The following VWC2L variants were observed in gnomAD, a reference collection of about 807,000 sequenced individuals.
VWC2L encodes von Willebrand factor C domain-containing protein 2-like.
VWC2L carries 10 observed loss-of-function variants against 21.6 expected under a neutral mutation model. The observed-to-expected ratio is 0.46, with a 90% CI of 0.29 to 0.78. VWC2L has a LOEUF of 0.78. VWC2L is among the 30% of genes least tolerant of loss of function. The probability of loss-of-function intolerance (pLI) is 0.10; values close to 1 mark genes in which losing one functional copy is unlikely to be tolerated. For missense variants in VWC2L, 209 were observed against 277.1 expected, an observed-to-expected ratio of 0.75 and a Z score of 1.74; for synonymous variants, 96 against 94.3, an observed-to-expected ratio of 1.02 and a Z score of -0.10.
intron 3 of VWC2L, among the ~76,000 whole-genome samples, chr2:214,479,164 G>A (rs1688566399): frequency 6.6e-6 from 1 of 152,182 alleles, no homozygotes; most frequent in African/African-American, 2.4e-5. Context: ...CCACATGGGT[G>A]AGATCATCTC....
At chr2:214,482,501 A>G (rs1033056435) in intron 3 of VWC2L, among the ~76,000 whole-genome samples, 7 of 151,132 alleles carry the variant, frequency 4.6e-5, no homozygotes, top group Non-Finnish European at 8.8e-5. Context: ...GTATGTATAT[A>G]TATGTGTGTA....
chr2:214,470,736 C>T (rs1703292734), intron 3 of VWC2L, among the ~76,000 whole-genome samples: 1 of 151,382 alleles, frequency 6.6e-6, no homozygotes, highest in African/African-American at 2.4e-5. Context: ...TAGTGAAACC[C>T]CATCTCTACT....
At chr2:214,486,018 A>T (rs1014449925) in intron 3 of VWC2L, among the ~76,000 whole-genome samples, 1 of 152,142 alleles carries the variant, frequency 6.6e-6, no homozygotes, top group Admixed American at 6.6e-5. Context: ...CTAGAATGAC[A>T]TTAAGTGGTC....
chr2:214,520,976 C>T (rs907678579), intron 3 of VWC2L, among the ~76,000 whole-genome samples: 13 of 152,008 alleles, frequency 8.6e-5, no homozygotes, highest in African/African-American at 3.1e-4. Context: ...GTAATCCCAG[C>T]ACTTTGGGAG....
intron 3 of VWC2L, among the ~76,000 whole-genome samples, chr2:214,532,533 C>T (rs1158846039): frequency 2.0e-5 from 3 of 152,084 alleles, no homozygotes; most frequent in Non-Finnish European, 2.9e-5. Flanking sequence ...ATGTCTTTTA[C>T]ATTCACTTTC....
intron 3 of VWC2L, among the ~76,000 whole-genome samples, chr2:214,502,159 GTCTCAGCT>G (rs1574601175): frequency 6.6e-6 from 1 of 152,092 alleles, no homozygotes; most frequent in African/African-American, 2.4e-5. Context: ...TCCTTATCTA[GTCTCAGCT>G]TCAATGAGTA....
chr2:214,550,488 C>T (rs1689776335), intron 3 of VWC2L, among the ~76,000 whole-genome samples: 1 of 152,058 alleles, frequency 6.6e-6, no homozygotes, highest in Non-Finnish European at 1.5e-5. Flanking sequence ...CTCATCACTC[C>T]CCACCTGCCA....
chr2:214,565,129 C>T (rs1441343509), intron 3 of VWC2L, among the ~76,000 whole-genome samples: 1 of 152,106 alleles, frequency 6.6e-6, no homozygotes, highest in African/African-American at 2.4e-5. Context: ...CTAGTGACTG[C>T]AGAAGAGTCC....
intron 3 of VWC2L, among the ~76,000 whole-genome samples, chr2:214,439,487 T>C (rs1157185158): frequency 6.6e-6 from 1 of 151,976 alleles, no homozygotes; most frequent in African/African-American, 2.4e-5. Flanking sequence ...ATGCAACTAA[T>C]TCTAACCTAT....
At chr2:214,537,991 C>T (rs1689563241) in intron 3 of VWC2L, among the ~76,000 whole-genome samples, 1 of 149,840 alleles carries the variant, frequency 6.7e-6, no homozygotes, top group Non-Finnish European at 1.5e-5. Context: ...TGCTCATTCT[C>T]CCAAGCAGTT....
intron 3 of VWC2L, among the ~76,000 whole-genome samples, chr2:214,522,717 T>C (rs1440253675): frequency 6.6e-6 from 1 of 152,216 alleles, no homozygotes; most frequent in Non-Finnish European, 1.5e-5. Context: ...TAAAACATAC[T>C]ACCTAATTAT....
chr2:214,484,608 G>A (rs146256126), intron 3 of VWC2L, among the ~76,000 whole-genome samples: 56 of 152,286 alleles, frequency 3.7e-4, no homozygotes, highest in Middle Eastern at 3.4e-3. Context: ...TAGAGAGACA[G>A]GAAGTTTCTC....
intron 2 of VWC2L, among the ~76,000 whole-genome samples, chr2:214,433,184 T>TA (rs1702630015): frequency 8.9e-6 from 1 of 112,264 alleles, no homozygotes; most frequent in Non-Finnish European, 1.9e-5. Context: ...ATATATATAT[T>TA]ATATATAAAT....
chr2:214,540,173 C>T (rs886571653), intron 3 of VWC2L, among the ~76,000 whole-genome samples: 1 of 152,076 alleles, frequency 6.6e-6, no homozygotes, highest in Non-Finnish European at 1.5e-5. Flanking sequence ...GCCCTTTGCA[C>T]TGGAAAACTG....
chr2:214,566,743 A>G (rs1173629726), intron 3 of VWC2L, among the ~76,000 whole-genome samples: 1 of 152,182 alleles, frequency 6.6e-6, no homozygotes, highest in East Asian at 1.9e-4. Context: ...TCAGAGCATG[A>G]TACTAGAAGG....
chr2:214,431,345 T>C (rs778703719), intron 2 of VWC2L, among the ~76,000 whole-genome samples: 3 of 152,166 alleles, frequency 2.0e-5, no homozygotes, highest in Non-Finnish European at 2.9e-5. Flanking sequence ...ATTTTTTCCT[T>C]TGTGGAAAAG....
chr2:214,562,297 T>C (rs1259435199), intron 3 of VWC2L, among the ~76,000 whole-genome samples: 1 of 152,192 alleles, frequency 6.6e-6, no homozygotes, highest in Non-Finnish European at 1.5e-5. Context: ...TCCAGCTCTA[T>C]CCATCTCCCT....
chr2:214,421,960 C>G (rs1211745260), intron 2 of VWC2L, among the ~76,000 whole-genome samples: 1 of 118,486 alleles, frequency 8.4e-6, no homozygotes, highest in Non-Finnish European at 1.6e-5. Flanking sequence ...GGCGCGATCT[C>G]GACTCTGCAA....
chr2:214,470,144 T>A (rs1202918369), intron 3 of VWC2L, among the ~76,000 whole-genome samples: 1 of 152,168 alleles, frequency 6.6e-6, no homozygotes, highest in Non-Finnish European at 1.5e-5. Context: ...ATAACTGTAG[T>A]TCCGAGAGAA....
Sources: gnomAD v4.1 joint callset for allele counts (sites outside exome capture counted in the v4.1 genomes callset) on GRCh38, gnomAD v4.1.1 for gene constraint, MANE v1.5 for transcripts, NCBI Gene and HGNC (gene_info 2026-07-23, HGNC 2026-07-21) for gene names.